BARX2: variants seen among roughly 807,000 people sequenced by gnomAD.
The protein encoded by BARX2 is BARX homeobox 2.
In BARX2, 11 loss-of-function variants were observed where a neutral mutation model predicts 25.5. The observed-to-expected ratio is 0.43, with a 90% CI of 0.27 to 0.71. The LOEUF (loss-of-function observed/expected upper bound fraction) is 0.71, where lower values mean the gene tolerates loss of function less well. BARX2 is among the 30% of genes least tolerant of loss of function. The pLI is 0.19. For missense variants in BARX2, 360 were observed against 359.9 expected, an observed-to-expected ratio of 1.00 and a Z score of 0.00; for synonymous variants, 137 against 149.5, an observed-to-expected ratio of 0.92 and a Z score of 0.61.
chr11:129,396,357 G>A, intron 1 of BARX2, among the ~76,000 whole-genome samples: 1 of 149,626 alleles, frequency 6.7e-6, no homozygotes, highest in Admixed American at 6.6e-5. Flanking sequence ...CCCCACACCT[G>A]TGGCTTTCTG....
intron 1 of BARX2, among the ~76,000 whole-genome samples, chr11:129,425,476 C>CCA (rs1244787272): frequency 2.6e-5 from 4 of 152,152 alleles, no homozygotes; most frequent in Non-Finnish European, 5.9e-5. Flanking sequence ...AGGAGAAAGA[C>CCA]CACACCATGT....
chr11:129,433,557 G>T (rs1862152465), intron 1 of BARX2, among the ~76,000 whole-genome samples: 1 of 152,182 alleles, frequency 6.6e-6, no homozygotes, highest in Non-Finnish European at 1.5e-5. Context: ...TCTCTCCTGT[G>T]ACTTCTGCCC....
In BARX2 at chr11:129,451,129, C is replaced by T. The variant is rs1950145755; in HGVS notation, c.574-7C>T. 6.2e-7 allele frequency: 1 copy of T among 1,610,418 alleles called. No individual in the cohort carries two copies. Among genetic ancestry groups the T allele is most frequent in the South Asian group, 1.1e-5 (1 of 90,810 alleles). On this transcript the variant is annotated splice_region_variant and splice_polypyrimidine_tract_variant and intron_variant, in intron 3 of 3. Transcript: ENST00000281437. ...TTAGATTCAATAACAATTTTTTACT[C>T]ACGTAGGTTCTTAAAGGTGGACAGG...
chr11:129,383,154 C>A (rs1269176150), intron 1 of BARX2, among the ~76,000 whole-genome samples: 1 of 152,140 alleles, frequency 6.6e-6, no homozygotes, highest in African/African-American at 2.4e-5. Context: ...ACCAGAAAAC[C>A]TTTGCAAACC....
rs138501283 is a variant in BARX2 at position 129,411,753 on chromosome 11, G to C, written c.188-24998G>C. On this transcript the variant is annotated intron_variant, in intron 1 of 3. Coordinates refer to ENST00000281437, the MANE Select transcript of BARX2 (RefSeq NM_003658.5). ...GCAGAATCACCAGGCCCGGCCACAG[G>C]CCAATTAAATTAGAATCTCTGCGGG... Among the ~76,000 whole-genome samples the C allele has an allele frequency of 3.3e-3, 508 of 152,308 alleles. 4 individuals carry two copies. The highest frequency in any genetic ancestry group is 0.011 in the African/African-American group (471 of 41,572).
At chr11:129,442,475 TTCCA>T (rs1862273174) in intron 2 of BARX2, among the ~76,000 whole-genome samples, 1 of 152,196 alleles carries the variant, frequency 6.6e-6, no homozygotes, top group Non-Finnish European at 1.5e-5. Context: ...TGCCTTTTGT[TTCCA>T]GTCTGGACGA....
Position 129,376,120 on chromosome 11 carries a change from G to A in BARX2, c.85G>A (p.Glu29Lys). The change falls in exon 1 of 4, where the codon GAG becomes AAG. Residue 29 changes from glutamate to lysine, a missense_variant. By Grantham distance (56) the Glu-to-Lys change is moderately conservative. This residue lies in a region of BARX2 where 240 missense variants were observed against 228.7 expected (regional missense o/e 1.05). Coordinates refer to ENST00000281437, the MANE Select transcript of BARX2 (RefSeq NM_003658.5). This position sits in a 1 kb window ranked among gnomAD's most constrained non-coding sequence, Gnocchi z 4.2. ...GCGCTACAAGACTTTCATGATCGAC[G>A]AGATCCTCTCCAAGGAGACCTGCGA... The part of the protein sequence containing the change: ...RRRYKTFMID[E>K]ILSKETCDYF... The A allele has an allele frequency of 6.2e-7, 1 of 1,613,364 alleles. No individual in the cohort carries two copies. Among genetic ancestry groups the A allele is most frequent in the East Asian group, 2.2e-5 (1 of 44,736 alleles).
chr11:129,390,042 TG>T lies in BARX2; in HGVS notation c.187+13822del, dbSNP rs1483298887. Among the ~76,000 whole-genome samples the T allele has an allele frequency of 6.6e-6, 1 of 152,234 alleles. No homozygotes were observed. The highest frequency in any genetic ancestry group is 1.9e-4 in the East Asian group (1 of 5,194). On this transcript the variant is annotated intron_variant, in intron 1 of 3. Transcript: ENST00000281437. The surrounding 1 kb of genome is among the most constrained non-coding windows in gnomAD (Gnocchi z 4.3). Reference sequence around the variant, plus strand: ...TTTTTTTGGGATTGTGTTTCTCAGCTGGTCACTAGTGTCTTATGAAGTTTAG... The same window carrying T: ...TTTTTTTGGGATTGTGTTTCTCAGCTGTCACTAGTGTCTTATGAAGTTTAG...
chr11:129,425,503 C>T (rs1315426278), intron 1 of BARX2, among the ~76,000 whole-genome samples: 1 of 152,102 alleles, frequency 6.6e-6, no homozygotes, highest in Non-Finnish European at 1.5e-5. Context: ...GCTAACTGGC[C>T]AATGGAGGTG....
At chr11:129,389,566 T>C (rs1861646981) in intron 1 of BARX2, among the ~76,000 whole-genome samples, 1 of 152,104 alleles carries the variant, frequency 6.6e-6, no homozygotes, top group African/African-American at 2.4e-5. Context: ...TTATTTTTTT[T>C]TTTAACAAGA....
chr11:129,383,787 A>G (rs1159010796), intron 1 of BARX2, among the ~76,000 whole-genome samples: 1 of 152,174 alleles, frequency 6.6e-6, no homozygotes, highest in Non-Finnish European at 1.5e-5. Flanking sequence ...ATTCCTTTTT[A>G]CCGCGTCTTT....
At chr11:129,445,014 A>T (rs1003767680) in intron 3 of BARX2, among the ~76,000 whole-genome samples, 6 of 136,886 alleles carry the variant, frequency 4.4e-5, no homozygotes, top group Admixed American at 6.9e-5. Flanking sequence ...AAATAAAAAT[A>T]AAATAAATAA....
intron 2 of BARX2, chr11:129,437,322 G>A: frequency 1.7e-6 from 1 of 585,250 alleles, no homozygotes; most frequent in Admixed American, 4.7e-5. Context: ...CATAAACAAG[G>A]TCCAGTTTAG....
chr11:129,433,360 C>T (rs1010805259), intron 1 of BARX2, among the ~76,000 whole-genome samples: 14 of 152,184 alleles, frequency 9.2e-5, no homozygotes, highest in African/African-American at 3.4e-4. Flanking sequence ...TTTCTCTGCT[C>T]CCACCCTGGC....
At chr11:129,404,588 T>A (rs1240273510) in intron 1 of BARX2, among the ~76,000 whole-genome samples, 1 of 152,244 alleles carries the variant, frequency 6.6e-6, no homozygotes, top group Non-Finnish European at 1.5e-5. Flanking sequence ...ACTTGGTTGA[T>A]AAAACAACAG....
At chr11:129,389,068 T>C (rs916270990) in intron 1 of BARX2, among the ~76,000 whole-genome samples, 1 of 152,168 alleles carries the variant, frequency 6.6e-6, no homozygotes, top group Non-Finnish European at 1.5e-5. Flanking sequence ...TAAACTTAAC[T>C]TCTATGACAC....
intron 1 of BARX2, among the ~76,000 whole-genome samples, chr11:129,434,421 T>TAAAAAAAAAAAAAAAAAAAAAACAA (rs1862165100): frequency 1.3e-5 from 1 of 76,378 alleles, no homozygotes. Flanking sequence ...AAAAAGTAAG[T>TAAAAAAAAAAAAAAAAAAAAAACAA]AAAAAAAAAA....
At chr11:129,413,614 C>T (rs747603103) in intron 1 of BARX2, among the ~76,000 whole-genome samples, 14 of 151,708 alleles carry the variant, frequency 9.2e-5, no homozygotes, top group East Asian at 1.9e-4. Context: ...CCGTAAAGGC[C>T]GGAGATAGGG....
chr11:129,425,891 T>A (rs1862056745), intron 1 of BARX2, among the ~76,000 whole-genome samples: 1 of 152,196 alleles, frequency 6.6e-6, no homozygotes, highest in Non-Finnish European at 1.5e-5. Flanking sequence ...AGTTTTTATT[T>A]AACTGGAGGG....
Sources: gnomAD v4.1 joint callset for allele counts (sites outside exome capture counted in the v4.1 genomes callset) on GRCh38, gnomAD v4.1.1 for gene constraint, gnomAD v4.1.1 regional missense constraint, Gnocchi (gnomAD v3.1) non-coding constraint, MANE v1.5 for transcripts, NCBI Gene and HGNC (gene_info 2026-07-23, HGNC 2026-07-21) for gene names.